Variants in ITIH5 observed in about 807,000 individuals in gnomAD.
ITIH5 encodes inter-alpha-trypsin inhibitor heavy chain H5.
Under a neutral mutation model 77.5 loss-of-function variants are expected in ITIH5, and 65 were observed. The observed-to-expected ratio is 0.84, with a 90% confidence interval of 0.69 to 1.03. The LOEUF is 1.03. Ranked by LOEUF, ITIH5 falls within the 50% of genes least tolerant of loss-of-function variation. The probability of loss-of-function intolerance (pLI) is 0.00; values close to 1 mark genes in which losing one functional copy is unlikely to be tolerated. For missense variants in ITIH5, 1,208 were observed against 1,213.1 expected, an observed-to-expected ratio of 1.00 and a Z score of 0.06; for synonymous variants, 525 against 494.3, an observed-to-expected ratio of 1.06 and a Z score of -0.82.
chr10:7,609,842 A>T (rs1054272184), intron 7 of ITIH5, among the ~76,000 whole-genome samples: 6 of 152,114 alleles, frequency 3.9e-5, no homozygotes, highest in Admixed American at 3.9e-4. Context: ...CCCTTAGCCA[A>T]GTTCTTTAAT....
At chr10:7,662,240 C>T (rs886468900) in intron 1 of ITIH5, among the ~76,000 whole-genome samples, 1 of 151,876 alleles carries the variant, frequency 6.6e-6, no homozygotes, top group South Asian at 2.1e-4. Context: ...GCCTGTAGTC[C>T]CAGCTACTTG....
chr10:7,665,042 G>A (rs1834339826), intron 1 of ITIH5, among the ~76,000 whole-genome samples: 1 of 152,138 alleles, frequency 6.6e-6, no homozygotes, highest in Non-Finnish European at 1.5e-5. Flanking sequence ...AAAAAGAACG[G>A]ATTAGGGATA....
In ITIH5 at chr10:7,612,806, A is replaced by G. The variant is rs906413020; in HGVS notation, c.939+3176T>C. Among the ~76,000 whole-genome samples the G allele has an allele frequency of 5.9e-5, 9 of 152,188 alleles. No individual in the cohort carries two copies. The South Asian group carries it at 8.3e-4, about 14-fold the overall frequency. ...TCAAAATCCAAATGGCAATTATCAT[A>G]CTGATCGTATGTAAGCCTAATTAAC... On this transcript the variant is annotated intron_variant, in intron 7 of 13. Transcript: ENST00000397146.
At chr10:7,655,713 A>G in intron 1 of ITIH5, 38 bp from the exon 2 acceptor site, 1 of 1,494,716 alleles carries the variant, frequency 6.7e-7, no homozygotes, top group South Asian at 1.1e-5. Context: ...GGTGATTTTT[A>G]AAAGAGAAGA....
intron 5 of ITIH5, among the ~76,000 whole-genome samples, 160 bp downstream of exon 5, chr10:7,637,068 C>T (rs141720972): frequency 2.6e-5 from 4 of 152,228 alleles, no homozygotes; most frequent in African/African-American, 9.6e-5. Context: ...AAAAAAGTAC[C>T]AGTTGCTGTC....
In ITIH5 at chr10:7,569,715, C is replaced by G. The variant is rs139418789; in HGVS notation, c.2102G>C (p.Gly701Ala). ...CAGCCTGAGGATGTCCCCGGGCTGC[C>G]CATCAATGTTGAAGCACACGGTGAG... ...SRLTVCFNIDGQPGDILRLVS... is the reference protein window; with the variant it reads ...SRLTVCFNIDAQPGDILRLVS... Residue 701 changes from glycine (G) to alanine (A), a missense_variant, in exon 12 of 14, where the codon GGG becomes GCG. Coordinates refer to ENST00000397146, the MANE Select transcript of ITIH5 (RefSeq NM_030569.7). 1,520 of 1,612,878 alleles carry G rather than the reference C, an allele frequency of 9.4e-4. 3 individuals are homozygous for G. The highest frequency in any genetic ancestry group is 1.1e-3 in the Non-Finnish European group (1,306 of 1,179,626).
Position 7,600,521 on chromosome 10 carries a change from C to T in ITIH5, c.940-14452G>A, listed in dbSNP as rs532019695. The stretch of plus-strand genomic sequence containing the variant: ...CCGGTCTCTCCTCCTGGATATTTGT[C>T]TTGTTACCTTGGCCTTTGCCTTCCC... On this transcript the variant is annotated intron_variant, in intron 7 of 13. Coordinates refer to ENST00000397146, the MANE Select transcript of ITIH5 (RefSeq NM_030569.7). 1.1e-4 allele frequency: 52 copies of T among 456,772 alleles called. 1 individual carries two copies. In the East Asian group the frequency reaches 1.7e-3, roughly 15 times the overall value. The allele number at this position is 456,772 out of a possible 1,614,324, so 28.3% of individuals were successfully genotyped here. A position where few individuals can be genotyped will look rare whatever the true frequency, so the allele number is the denominator to read the frequency against.
At chr10:7,651,393 G>C (rs946557795) in intron 2 of ITIH5, among the ~76,000 whole-genome samples, 2 of 152,094 alleles carry the variant, frequency 1.3e-5, no homozygotes, top group African/African-American at 2.4e-5. Context: ...AGACCAGCCT[G>C]GCCAACATGG....
intron 2 of ITIH5, among the ~76,000 whole-genome samples, chr10:7,644,115 G>C (rs911015219): frequency 2.6e-5 from 4 of 152,056 alleles, no homozygotes; most frequent in Non-Finnish European, 5.9e-5. Context: ...GTGCATGACT[G>C]TAGTCCTGGC....
At chr10:7,574,590 G>A (rs983205658) in intron 10 of ITIH5, among the ~76,000 whole-genome samples, 5 of 151,960 alleles carry the variant, frequency 3.3e-5, no homozygotes, top group Middle Eastern at 3.2e-3. Flanking sequence ...TCAGGAGATT[G>A]AGACCATCCT....
chr10:7,596,470 A>T (rs1398052291), intron 7 of ITIH5, among the ~76,000 whole-genome samples: 1 of 152,200 alleles, frequency 6.6e-6, no homozygotes, highest in Non-Finnish European at 1.5e-5. Context: ...ATTTGATGGG[A>T]ACTAACCCTG....
chr10:7,566,383 A>G lies in ITIH5; in HGVS notation c.2174T>C (p.Ile725Thr). 1 of 1,602,074 alleles carries G rather than the reference A, an allele frequency of 6.2e-7. No homozygotes were observed. Among genetic ancestry groups the G allele is most frequent in the Non-Finnish European group, 8.5e-7 (1 of 1,170,124 alleles). ...GCCATTTGGAGGGGCGGGTGCCCCA[A>G]TTAACTCTCCGTTCACTGTGACACC... ...DSGVTVNGELIGAPAPPNGHK... is the reference protein window; with the variant it reads ...DSGVTVNGELTGAPAPPNGHK... Residue 725 changes from isoleucine (I) to threonine (T), a missense_variant, in exon 13 of 14, where the codon ATT (isoleucine) becomes ACT (threonine). Transcript: ENST00000397146.
chr10:7,587,460 G>A (rs369772608), intron 7 of ITIH5, among the ~76,000 whole-genome samples: 6 of 152,314 alleles, frequency 3.9e-5, no homozygotes, highest in African/African-American at 1.4e-4. Flanking sequence ...GAAGAGCACA[G>A]GCTTCAGAGC....
intron 7 of ITIH5, chr10:7,600,608 AT>A (rs2131005390): frequency 2.2e-6 from 1 of 456,636 alleles, no homozygotes; most frequent in East Asian, 7.0e-5. Context: ...CTGACTTTAC[AT>A]TTGGTTAATC....
At chr10:7,666,693 G>T (rs1158588059) in intron 1 of ITIH5, 110 bp downstream of exon 1, 3 of 775,508 alleles carry the variant, frequency 3.9e-6, no homozygotes, top group East Asian at 6.1e-5. Context: ...GGCCTCTGGT[G>T]GGGGCCTGGG....
chr10:7,653,394 G>A lies in ITIH5; in HGVS notation c.135+2237C>T, dbSNP rs546042126. On this transcript the variant is annotated intron_variant, in intron 2 of 13. Transcript: ENST00000397146. ...GCAAATTTTTGTATTTTTTAGTAGA[G>A]ATGGGGTTTCACCATGTTAGCCAGG... 1.5e-3 allele frequency among the ~76,000 whole-genome samples: 234 copies of A among 152,228 alleles called. 1 individual carries two copies. Among genetic ancestry groups the A allele is most frequent in the African/African-American group, 5.1e-3 (210 of 41,538 alleles).
intron 1 of ITIH5, among the ~76,000 whole-genome samples, chr10:7,656,413 CTA>C (rs377376643): frequency 8.5e-5 from 13 of 152,266 alleles, no homozygotes; most frequent in African/African-American, 2.4e-4. Flanking sequence ...CAGGGTCTCG[CTA>C]TGTTGTCCAG....
intron 5 of ITIH5, among the ~76,000 whole-genome samples, chr10:7,630,753 T>C (rs7921476): frequency 0.18 from 26,944 of 152,166 alleles, 3,013 homozygotes; most frequent in Non-Finnish European, 0.25. Flanking sequence ...AAATATTTTC[T>C]CCTATTCTGT....
intron 5 of ITIH5, chr10:7,618,551 A>G (rs946439201): frequency 6.6e-6 from 1 of 152,200 alleles, no homozygotes; most frequent in Non-Finnish European, 1.5e-5. Flanking sequence ...GTCTGCATGC[A>G]CCCTGGAGAA....
Sources: allele counts gnomAD v4.1 joint callset (sites outside exome capture counted in the v4.1 genomes callset), GRCh38; gene constraint gnomAD v4.1.1; transcripts MANE v1.5; gene names NCBI Gene and HGNC (gene_info 2026-07-23, HGNC 2026-07-21).